MICU2: variants seen among roughly 807,000 people sequenced by gnomAD.
MICU2 encodes the protein calcium uptake protein 2, mitochondrial.
Under a neutral mutation model 60.4 loss-of-function variants are expected in MICU2, and 64 were observed. That is an observed-to-expected ratio of 1.06 (90% CI 0.87 to 1.31). MICU2 has a LOEUF of 1.31. Among genes scored for constraint, MICU2 ranks in the 50% most tolerant of loss-of-function variants. The probability of loss-of-function intolerance (pLI) is 0.00; values close to 1 mark genes in which losing one functional copy is unlikely to be tolerated. For missense variants in MICU2, 569 were observed against 531.0 expected (o/e 1.07, Z -0.70); for synonymous variants, 201 against 175.0 (o/e 1.15, Z -1.17).
chr13:21,550,969 G>A (rs1159755701), intron 2 of MICU2, among the ~76,000 whole-genome samples: 4 of 152,122 alleles, frequency 2.6e-5, no homozygotes, highest in Non-Finnish European at 2.9e-5. Context: ...CCATTCTTTT[G>A]TTATTCACTT....
intron 2 of MICU2, among the ~76,000 whole-genome samples, chr13:21,563,209 A>C (rs1887890580): frequency 6.6e-6 from 1 of 151,830 alleles, no homozygotes; most frequent in Non-Finnish European, 1.5e-5. Context: ...TAATCCCAGC[A>C]CTTTGGGAGG....
At chr13:21,580,608 C>G (rs1469153499) in intron 1 of MICU2, among the ~76,000 whole-genome samples, 2 of 152,050 alleles carry the variant, frequency 1.3e-5, no homozygotes, top group South Asian at 2.1e-4. Flanking sequence ...AAGAGTAACT[C>G]TTAAATATTT....
intron 2 of MICU2, among the ~76,000 whole-genome samples, chr13:21,555,066 T>C (rs1451477278): frequency 6.6e-6 from 1 of 152,168 alleles, no homozygotes; most frequent in Non-Finnish European, 1.5e-5. Context: ...ACCAGATGGA[T>C]TCACAGCTGA....
At chr13:21,591,973 T>A (rs1187061914) in intron 1 of MICU2, among the ~76,000 whole-genome samples, 3 of 150,742 alleles carry the variant, frequency 2.0e-5, no homozygotes, top group Non-Finnish European at 4.4e-5. Context: ...AAGGGCAAAT[T>A]AATTCGAAAG....
chr13:21,513,306 C>T (rs887520113), intron 7 of MICU2, among the ~76,000 whole-genome samples: 3 of 152,088 alleles, frequency 2.0e-5, no homozygotes, highest in Non-Finnish European at 2.9e-5. Context: ...GAATGGACAT[C>T]CTTGCCTTAC....
At chr13:21,572,436 A>G (rs970796336) in intron 1 of MICU2, among the ~76,000 whole-genome samples, 4 of 152,188 alleles carry the variant, frequency 2.6e-5, no homozygotes, top group African/African-American at 4.8e-5. Context: ...GTGAATCTAC[A>G]TTTTACAGAA....
At chr13:21,531,461 C>A (rs575419079) in intron 4 of MICU2, 9 of 630,060 alleles carry the variant, frequency 1.4e-5, no homozygotes, top group Admixed American at 9.4e-5. Context: ...TTAACAAGAA[C>A]TGATGCTCCT....
At chr13:21,558,646 T>C (rs140017828) in intron 2 of MICU2, among the ~76,000 whole-genome samples, 2 of 152,238 alleles carry the variant, frequency 1.3e-5, no homozygotes, top group East Asian at 3.9e-4. Context: ...CCCACAAAAT[T>C]TGTGGGCTGG....
intron 1 of MICU2, among the ~76,000 whole-genome samples, chr13:21,598,791 A>G (rs896576524): frequency 6.6e-6 from 1 of 152,214 alleles, no homozygotes; most frequent in African/African-American, 2.4e-5. Context: ...GTATCTACTT[A>G]GTGAAATGGA....
intron 1 of MICU2, among the ~76,000 whole-genome samples, chr13:21,600,968 T>C (rs2138081024): frequency 6.6e-6 from 1 of 152,076 alleles, no homozygotes; most frequent in East Asian, 1.9e-4. Context: ...AGCTAATTTT[T>C]TGTATTTTTA....
intron 1 of MICU2, among the ~76,000 whole-genome samples, chr13:21,576,982 G>A (rs1194961049): frequency 1.3e-5 from 2 of 152,112 alleles, no homozygotes; most frequent in Non-Finnish European, 2.9e-5. Context: ...ATGGAATAAC[G>A]AAGGTTTGAA....
intron 4 of MICU2, among the ~76,000 whole-genome samples, chr13:21,531,776 T>C (rs555695871): frequency 6.6e-6 from 1 of 152,186 alleles, no homozygotes; most frequent in East Asian, 1.9e-4. Context: ...TTGCTATCAC[T>C]GTAGCCAACT....
At chr13:21,588,556 T>C (rs1443019126) in intron 1 of MICU2, among the ~76,000 whole-genome samples, 4 of 152,200 alleles carry the variant, frequency 2.6e-5, no homozygotes, top group African/African-American at 7.2e-5. Context: ...AAATTTAGCA[T>C]TCCTTGGAGA....
intron 1 of MICU2, among the ~76,000 whole-genome samples, chr13:21,601,032 G>A (rs977577702): frequency 5.9e-5 from 9 of 152,166 alleles, no homozygotes; most frequent in Non-Finnish European, 1.0e-4. Flanking sequence ...TCCTGACCTC[G>A]TGATCCGCCC....
chr13:21,593,107 T>C (rs1317591463), intron 1 of MICU2, among the ~76,000 whole-genome samples: 1 of 152,154 alleles, frequency 6.6e-6, no homozygotes, highest in African/African-American at 2.4e-5. Context: ...TGATTTTATA[T>C]TTAGAAAATC....
chr13:21,593,776 T>C lies in MICU2; in HGVS notation c.210+10163A>G, dbSNP rs1888637026. ...CAACAAACCTGACAAAAACAAGCAA[T>C]GGGGAAAGGATTACCTATTTAATAA... On this transcript the variant is annotated intron_variant, in intron 1 of 11. Transcript: ENST00000382374. 2.6e-5 allele frequency among the ~76,000 whole-genome samples: 4 copies of C among 152,080 alleles called. No individual in the cohort carries two copies. The East Asian group carries it at 5.8e-4, about 22-fold the overall frequency.
chr13:21,497,441 G>C (rs1314265458), intron 9 of MICU2, among the ~76,000 whole-genome samples: 1 of 152,052 alleles, frequency 6.6e-6, no homozygotes, highest in Non-Finnish European at 1.5e-5. Context: ...GGGTACGGTG[G>C]TTCCTGACTG....
At position 21,578,596 on chromosome 13, in the gene MICU2, C is replaced by CA. The variant is rs1380585030; in HGVS notation, c.211-11653dup. On this transcript the variant is annotated intron_variant, in intron 1 of 11. Coordinates refer to ENST00000382374, the MANE Select transcript of MICU2 (RefSeq NM_152726.3). The stretch of plus-strand genomic sequence containing the variant: ...TAGGTCACAGAGTGAGACCACATCT[C>CA]AAAAAAAAAAAAATATTTTAGTCTG... Among the ~76,000 whole-genome samples, 394 of 136,530 alleles carry CA rather than the reference C, an allele frequency of 2.9e-3. 1 individual carries two copies. The highest frequency in any genetic ancestry group is 6.3e-3 in the African/African-American group (233 of 37,140). The allele number at this position is 136,530 out of a possible 152,430, so 89.6% of individuals were successfully genotyped here.
intron 4 of MICU2, among the ~76,000 whole-genome samples, chr13:21,530,376 T>A (rs912173240): frequency 6.6e-6 from 1 of 152,178 alleles, no homozygotes; most frequent in South Asian, 2.1e-4. Context: ...CCTCATAGAC[T>A]TTGCCTAAGG....
Sources: gnomAD v4.1 joint callset for allele counts (sites outside exome capture counted in the v4.1 genomes callset) on GRCh38, gnomAD v4.1.1 for gene constraint, MANE v1.5 for transcripts, NCBI Gene and HGNC (gene_info 2026-07-23, HGNC 2026-07-21) for gene names.